The following ATG5 variants were observed in gnomAD, a reference collection of about 807,000 sequenced individuals.
ATG5 encodes autophagy protein 5.
Under a neutral mutation model 36.5 loss-of-function variants are expected in ATG5, and 14 were observed. The ratio of observed to expected loss-of-function variants is 0.38; its 90% CI spans 0.25 to 0.60. ATG5 has a LOEUF of 0.60. Among genes scored for constraint, ATG5 ranks in the 20% least tolerant of loss-of-function variants. The pLI, the probability that ATG5 is intolerant of heterozygous loss-of-function variation, is 0.60. For synonymous variants in ATG5, 95 were observed against 101.5 expected (o/e 0.94, Z 0.38); for missense variants, 195 against 326.7 (o/e 0.60, Z 3.11).
intron 5 of ATG5, among the ~76,000 whole-genome samples, chr6:106,266,898 C>T (rs565163244): frequency 2.3e-4 from 35 of 152,132 alleles, no homozygotes; most frequent in East Asian, 3.8e-4. Context: ...CAATATCATA[C>T]GGAATGGGCA....
intron 5 of ATG5, among the ~76,000 whole-genome samples, chr6:106,266,996 G>C (rs1779251676): frequency 6.6e-6 from 1 of 152,110 alleles, no homozygotes; most frequent in Admixed American, 6.5e-5. Flanking sequence ...TGGAAGTTCT[G>C]GCCAGGGCAA....
intron 2 of ATG5, among the ~76,000 whole-genome samples, chr6:106,310,779 A>G: frequency 6.6e-6 from 1 of 152,068 alleles, no homozygotes; most frequent in South Asian, 2.1e-4. Context: ...TAGGTACCTT[A>G]TTTAAGTGGA....
At chr6:106,282,315 T>C (rs1017025966) in intron 4 of ATG5, among the ~76,000 whole-genome samples, 1 of 152,238 alleles carries the variant, frequency 6.6e-6, no homozygotes, top group Non-Finnish European at 1.5e-5. Flanking sequence ...CTTTGCAACA[T>C]GAAATGCCAT....
intron 6 of ATG5, among the ~76,000 whole-genome samples, chr6:106,202,587 A>G (rs751210580): frequency 6.6e-6 from 1 of 152,222 alleles, no homozygotes; most frequent in African/African-American, 2.4e-5. Context: ...AGGTACAATA[A>G]GGACAATCCT....
At chr6:106,265,285 T>C (rs1417674823) in intron 5 of ATG5, among the ~76,000 whole-genome samples, 1 of 151,060 alleles carries the variant, frequency 6.6e-6, no homozygotes, top group East Asian at 1.9e-4. Context: ...AAGGGATCAA[T>C]GCAACAACAA....
intron 3 of ATG5, among the ~76,000 whole-genome samples, chr6:106,293,552 T>C (rs1780405996): frequency 6.6e-6 from 1 of 152,232 alleles, no homozygotes; most frequent in Non-Finnish European, 1.5e-5. Flanking sequence ...CTGTGGTTAT[T>C]ACCATTAACA....
intron 4 of ATG5, chr6:106,283,276 G>A (rs1031871136): frequency 3.3e-5 from 5 of 152,088 alleles, no homozygotes; most frequent in Non-Finnish European, 5.9e-5. Context: ...TCTTTATCAG[G>A]TTTCAGTATC....
At chr6:106,295,862 C>T (rs1769907745) in intron 3 of ATG5, among the ~76,000 whole-genome samples, 1 of 152,090 alleles carries the variant, frequency 6.6e-6, no homozygotes, top group Admixed American at 6.5e-5. Flanking sequence ...CTATGTCCAG[C>T]CCAAATAACT....
chr6:106,320,036 G>C (rs1321532167), intron 1 of ATG5, among the ~76,000 whole-genome samples: 1 of 152,196 alleles, frequency 6.6e-6, no homozygotes, highest in African/African-American at 2.4e-5. Flanking sequence ...ATACACACAA[G>C]CCTATATGTT....
intron 1 of ATG5, among the ~76,000 whole-genome samples, chr6:106,321,980 A>T (rs1771095713): frequency 6.6e-6 from 1 of 152,164 alleles, no homozygotes; most frequent in Admixed American, 6.5e-5. Flanking sequence ...CTCCTCTCCA[A>T]ATCAGTATAG....
At chr6:106,209,954 T>C (rs960323) in intron 6 of ATG5, among the ~76,000 whole-genome samples, 16,790 of 152,262 alleles carry the variant, frequency 0.11, 1,007 homozygotes, top group South Asian at 0.16. Flanking sequence ...TATTAAAATG[T>C]AGATTCTCAG....
At chr6:106,308,277 G>A in intron 3 of ATG5, 87 bp downstream of exon 3, 1 of 1,200,292 alleles carries the variant, frequency 8.3e-7, no homozygotes, top group Non-Finnish European at 1.1e-6. Context: ...ATCCTCGCAG[G>A]ACTTTTTTTA....
At chr6:106,296,215 T>TA (rs921563563) in intron 3 of ATG5, among the ~76,000 whole-genome samples, 26 of 145,622 alleles carry the variant, frequency 1.8e-4, no homozygotes, top group East Asian at 4.0e-4. Context: ...AAACTCACTT[T>TA]AAAAAAAAAA....
chr6:106,255,431 T>C (rs985079509), intron 5 of ATG5, among the ~76,000 whole-genome samples: 4 of 152,162 alleles, frequency 2.6e-5, no homozygotes, highest in Admixed American at 2.6e-4. Context: ...CGTTAAAAAC[T>C]ACTGCTTGGA....
chr6:106,295,238 T>C (rs1003064582), intron 3 of ATG5, among the ~76,000 whole-genome samples: 2 of 152,178 alleles, frequency 1.3e-5, no homozygotes, highest in Non-Finnish European at 2.9e-5. Context: ...ATATCTCTCT[T>C]AGGTATCTGC....
chr6:106,308,279 C>CT (rs897436156), intron 3 of ATG5, 85 bp downstream of exon 3: 68 of 1,242,874 alleles, frequency 5.5e-5, no homozygotes, highest in Non-Finnish European at 7.0e-5. Flanking sequence ...CCTCGCAGGA[C>CT]TTTTTTTACA....
chr6:106,323,260 C>CTTTT lies in ATG5; in HGVS notation c.-59+2262_-59+2265dup, dbSNP rs71274321. On this transcript the variant is annotated intron_variant, in intron 1 of 7. Coordinates refer to ENST00000369076, the MANE Select transcript of ATG5 (RefSeq NM_004849.4). The stretch of plus-strand genomic sequence containing the variant: ...TTCCGTTTCGCTAAGTGGAAAAGTC[C>CTTTT]TTTTTTTTTTTTTTTTTTTTTTTTT... 4.0e-3 allele frequency among the ~76,000 whole-genome samples: 260 copies of CTTTT among 64,230 alleles called. 19 individuals carry two copies. Among genetic ancestry groups the CTTTT allele is most frequent in the African/African-American group, 0.015 (225 of 15,124 alleles). The allele number at this position is 64,230 out of a possible 152,430, so 42.1% of individuals were successfully genotyped here.
intron 5 of ATG5, among the ~76,000 whole-genome samples, chr6:106,269,179 T>G (rs1340070775): frequency 6.6e-6 from 1 of 151,766 alleles, no homozygotes; most frequent in Non-Finnish European, 1.5e-5. Flanking sequence ...CCCACCAGAG[T>G]AGCTAGTTAC....
At chr6:106,292,790 A>G (rs752761565) in intron 4 of ATG5, among the ~76,000 whole-genome samples, 30 of 152,236 alleles carry the variant, frequency 2.0e-4, no homozygotes, top group Non-Finnish European at 4.3e-4. Context: ...TAAATTTTAA[A>G]AAGTGTATTC....
Sources: allele counts gnomAD v4.1 joint callset (sites outside exome capture counted in the v4.1 genomes callset), GRCh38; gene constraint gnomAD v4.1.1; transcripts MANE v1.5; gene names NCBI Gene and HGNC (gene_info 2026-07-23, HGNC 2026-07-21).